ACAD9: variants seen among roughly 807,000 people sequenced by gnomAD.
ACAD9 encodes the protein complex I assembly factor ACAD9, mitochondrial.
ACAD9 carries 53 observed loss-of-function variants against 70.2 expected under a neutral mutation model. The observed-to-expected ratio is 0.75, with a 90% CI of 0.61 to 0.95. The LOEUF (loss-of-function observed/expected upper bound fraction) is 0.95, where lower values mean the gene tolerates loss of function less well. Ranked by LOEUF, ACAD9 falls within the 40% of genes least tolerant of loss-of-function variation. ACAD9 has a pLI of 0.00. For missense variants in ACAD9, 777 were observed against 802.8 expected (o/e 0.97, Z 0.39); for synonymous variants, 313 against 312.1 (o/e 1.00, Z -0.03).
chr3:128,907,224 TG>T (rs375552650), intron 12 of ACAD9, among the ~76,000 whole-genome samples: 219 of 152,136 alleles, frequency 1.4e-3, no homozygotes, highest in African/African-American at 4.9e-3. Flanking sequence ...TCCTGCCCAG[TG>T]GGAGGCCTCC....
chr3:128,887,637 AT>A (rs1935290047), intron 2 of ACAD9, among the ~76,000 whole-genome samples: 10 of 92,874 alleles, frequency 1.1e-4, no homozygotes, highest in African/African-American at 8.0e-4. Context: ...AAATAAAAAA[AT>A]AAATAAATAT....
chr3:128,894,686 C>T (rs903127648), intron 3 of ACAD9, among the ~76,000 whole-genome samples: 1 of 151,954 alleles, frequency 6.6e-6, no homozygotes, highest in Non-Finnish European at 1.5e-5. Context: ...CAGGCGTGCG[C>T]CGCCATGCCT....
intron 5 of ACAD9, 66 bp downstream of exon 5, chr3:128,896,602 G>A: frequency 6.5e-7 from 1 of 1,528,922 alleles, no homozygotes; most frequent in South Asian, 1.1e-5. Context: ...ACTGGGGCAA[G>A]GGGCTGTTGG....
At chr3:128,886,746 A>G (rs1390241516) in intron 2 of ACAD9, among the ~76,000 whole-genome samples, 1 of 151,930 alleles carries the variant, frequency 6.6e-6, no homozygotes, top group Non-Finnish European at 1.5e-5. Context: ...TAAAAAAAAA[A>G]AAAGAAAAAA....
rs1266273831 is a variant in ACAD9, at chr3:128,904,419, G to A, written c.1063G>A (p.Val355Ile). Residue 355 changes from valine to isoleucine, a missense_variant, in exon 11 of 18, where the codon GTC (valine) becomes ATC (isoleucine). Val to Ile is a conservative substitution (Grantham distance 29, BLOSUM62 3). Transcript: ENST00000308982. ...KFALMAQKAY[V>I]MESMTYLTAG... The stretch of plus-strand genomic sequence containing the variant: ...TGCACTGATGGCTCAGAAGGCTTAC[G>A]TCATGGAGAGTATGACCTACCTCAC... 4 of 1,614,110 alleles carry A rather than the reference G, an allele frequency of 2.5e-6. No individual in the cohort carries two copies. The highest frequency in any genetic ancestry group is 2.2e-5 in the East Asian group (1 of 44,902).
At chr3:128,880,477 C>T (rs1935056191) in intron 1 of ACAD9, among the ~76,000 whole-genome samples, 2 of 152,182 alleles carry the variant, frequency 1.3e-5, no homozygotes, top group African/African-American at 4.8e-5. Context: ...TCACTGCAAC[C>T]TCCCTCCTGG....
chr3:128,879,645 C>T lies in ACAD9; in HGVS notation c.-47C>T. The T allele has an allele frequency of 1.3e-6, 2 of 1,594,242 alleles. No individual in the cohort carries two copies. Among genetic ancestry groups the T allele is most frequent in the Non-Finnish European group, 1.7e-6 (2 of 1,169,334 alleles). Reference sequence around the variant, plus strand: ...ATCAGACGTGTGTGTGTCCCTGCGGCGCTAAGAAGGGGAGACTGAGGCTGA... The same window carrying T: ...ATCAGACGTGTGTGTGTCCCTGCGGTGCTAAGAAGGGGAGACTGAGGCTGA... On this transcript the variant is annotated 5_prime_UTR_variant, in exon 1 of 18. Coordinates refer to ENST00000308982, the MANE Select transcript of ACAD9 (RefSeq NM_014049.5).
chr3:128,905,517 C>A (rs1487451081), intron 11 of ACAD9, among the ~76,000 whole-genome samples: 1 of 152,100 alleles, frequency 6.6e-6, no homozygotes, highest in East Asian at 1.9e-4. Context: ...GAGAGTCTAC[C>A]TAAAAGGTTG....
In ACAD9 at chr3:128,909,300, C is replaced by T. The variant is rs777900751; in HGVS notation, c.1486-44C>T. ...CCGGGCTGTGAGACAGGACAGGGCA[C>T]TGTAGGGATGAGGTGCTGAACTGAG... On this transcript the variant is annotated intron_variant, in intron 14 of 17. Coordinates refer to ENST00000308982, the MANE Select transcript of ACAD9 (RefSeq NM_014049.5). 24 of 1,609,380 alleles carry T rather than the reference C, an allele frequency of 1.5e-5. No individual in the cohort carries two copies. The South Asian group carries it at 2.5e-4, about 17-fold the overall frequency.
chr3:128,907,673 G>A (rs1369527549), intron 12 of ACAD9, among the ~76,000 whole-genome samples: 3 of 152,240 alleles, frequency 2.0e-5, no homozygotes, highest in Non-Finnish European at 4.4e-5. Flanking sequence ...AGAGTGGGCA[G>A]AAGCCCACTG....
chr3:128,892,173 A>G (rs1046764304), intron 2 of ACAD9, among the ~76,000 whole-genome samples: 16 of 152,226 alleles, frequency 1.1e-4, no homozygotes, highest in African/African-American at 3.6e-4. Context: ...ACTTTTGGTG[A>G]AAAAGGAAAT....
rs200134546 is a variant in ACAD9, at chr3:128,910,121, G to A, written c.1664G>A (p.Arg555His). Residue 555 changes from arginine (R) to histidine (H), a missense_variant, in exon 16 of 18, where the codon CGC (arginine) becomes CAC (histidine). By Grantham distance (29) the Arg-to-His change is conservative. Coordinates refer to ENST00000308982, the MANE Select transcript of ACAD9 (RefSeq NM_014049.5). The part of the protein sequence containing the change: ...AVLSRASRSI[R>H]IGLRNHDHEV... ...CTGTCGCGGGCCAGCCGCTCCATCC[G>A]CATTGGGCTCCGCAACCACGACCAC... is the stretch of plus-strand genomic sequence containing the variant. The A allele has an allele frequency of 4.7e-5, 76 of 1,614,012 alleles. No homozygotes were observed. In the Admixed American group the frequency reaches 1.0e-3, roughly 22 times the overall value.
intron 2 of ACAD9, among the ~76,000 whole-genome samples, chr3:128,892,293 G>A (rs1232091287): frequency 6.6e-6 from 1 of 152,176 alleles, no homozygotes; most frequent in Non-Finnish European, 1.5e-5. Context: ...TGTCAATAAA[G>A]TTGTTAAAGG....
chr3:128,912,871 A>T lies in ACAD9; in HGVS notation c.*264A>T. 1.6e-6 allele frequency: 1 copy of T among 618,892 alleles called. No individual in the cohort carries two copies. The highest frequency in any genetic ancestry group is 3.1e-6 in the Non-Finnish European group (1 of 326,146). The allele number at this position is 618,892 out of a possible 1,614,324, so 38.3% of individuals were successfully genotyped here. A position where few individuals can be genotyped will look rare whatever the true frequency, so the allele number is the denominator to read the frequency against. Reference sequence around the variant, plus strand: ...TTGCTGACCCCTGGAACTGGCGGGTATTCTGGTCATTGAGGAGACACCATA... The same window carrying T: ...TTGCTGACCCCTGGAACTGGCGGGTTTTCTGGTCATTGAGGAGACACCATA... On this transcript the variant is annotated 3_prime_UTR_variant, in exon 18 of 18. Transcript: ENST00000308982.
chr3:128,903,529 C>G (rs1421103149), intron 9 of ACAD9, among the ~76,000 whole-genome samples: 1 of 152,110 alleles, frequency 6.6e-6, no homozygotes, highest in Non-Finnish European at 1.5e-5. Flanking sequence ...GGCGGGGGTG[C>G]TTCTGCCTGG....
chr3:128,884,029 G>A (rs1935172156), intron 1 of ACAD9, among the ~76,000 whole-genome samples: 1 of 152,228 alleles, frequency 6.6e-6, no homozygotes, highest in Non-Finnish European at 1.5e-5. Flanking sequence ...GAGCCCAAAA[G>A]TCCAGAGGGG....
chr3:128,901,263 T>C lies in ACAD9; in HGVS notation c.809-13T>C. On this transcript the variant is annotated splice_polypyrimidine_tract_variant and intron_variant, in intron 7 of 17. Coordinates refer to ENST00000308982, the MANE Select transcript of ACAD9 (RefSeq NM_014049.5). ...GCATTGTCAGATGATATCTTAAATT[T>C]CATGTGTTTCAGCTTGTGAAGTCCA... is the stretch of plus-strand genomic sequence containing the variant. 6.2e-7 allele frequency: 1 copy of C among 1,613,690 alleles called. No homozygotes were observed.
At chr3:128,912,365 TG>T (rs1386756253) in intron 17 of ACAD9, 141 bp from the exon 18 acceptor site, 6 of 713,728 alleles carry the variant, frequency 8.4e-6, no homozygotes, top group Admixed American at 6.1e-5. Context: ...AATCACTTGC[TG>T]GGGGTCTGGA....
At chr3:128,895,165 C>T in intron 3 of ACAD9, 145 bp from the exon 4 acceptor site, 2 of 716,886 alleles carry the variant, frequency 2.8e-6, no homozygotes, top group South Asian at 3.1e-5. Context: ...GTGTGAGCCA[C>T]CATGCCCGGC....
Sources: gnomAD v4.1 joint callset for allele counts (sites outside exome capture counted in the v4.1 genomes callset) on GRCh38, gnomAD v4.1.1 for gene constraint, MANE v1.5 for transcripts, NCBI Gene and HGNC (gene_info 2026-07-23, HGNC 2026-07-21) for gene names.